The following RNF170 variants were observed in gnomAD, a reference collection of about 807,000 sequenced individuals.
RNF170 encodes the protein ring finger protein 170, also known as E3 ubiquitin-protein ligase RNF170.
In RNF170, 12 loss-of-function variants were observed where a neutral mutation model predicts 32.7. The observed-to-expected ratio is 0.37, with a 90% confidence interval of 0.24 to 0.60. The LOEUF is 0.60. RNF170 is among the 20% of genes least tolerant of loss of function. RNF170 has a pLI of 0.72. For synonymous variants in RNF170, 91 were observed against 103.6 expected, an observed-to-expected ratio of 0.88 and a Z score of 0.74; for missense variants, 212 against 311.2, an observed-to-expected ratio of 0.68 and a Z score of 2.40.
downstream of RNF170, chr8:42,849,734 G>A (rs1212064086): frequency 2.0e-5 from 3 of 152,182 alleles, no homozygotes; most frequent in African/African-American, 7.2e-5. Flanking sequence ...GGTCAGAATG[G>A]ATAACATTGT....
intron 1 of RNF170, among the ~76,000 whole-genome samples, chr8:42,888,136 G>C (rs533438390): frequency 8.5e-5 from 13 of 152,138 alleles, no homozygotes; most frequent in Middle Eastern, 3.4e-3. Context: ...GCGGATCTCA[G>C]CTCACTGCAA....
Position 42,854,120 on chromosome 8 carries a change from T to C in RNF170, c.*2039A>G. 1 of 1,287,266 alleles carries C rather than the reference T, an allele frequency of 7.8e-7. No individual in the cohort carries two copies. The highest frequency in any genetic ancestry group is 1.0e-6 in the Non-Finnish European group (1 of 988,712). The allele number at this position is 1,287,266 out of a possible 1,614,324, so 79.7% of individuals were successfully genotyped here. A position where few individuals can be genotyped will look rare whatever the true frequency, so the allele number is the denominator to read the frequency against. On this transcript the variant is annotated 3_prime_UTR_variant, in exon 7 of 7. Transcript: ENST00000527424. ...GCAGCTGAAATGTTTTTCTGTGATG[T>C]ATGCCACCCTTTTACCTATTTGATT...
Position 42,853,484 on chromosome 8 carries a change from T to C in RNF170, c.*2675A>G, listed in dbSNP as rs758098290. 3.1e-6 allele frequency: 4 copies of C among 1,287,062 alleles called. No homozygotes were observed. In the East Asian group the frequency reaches 2.2e-4, roughly 71 times the overall value. The allele number at this position is 1,287,062 out of a possible 1,614,324, so 79.7% of individuals were successfully genotyped here. On this transcript the variant is annotated 3_prime_UTR_variant, in exon 7 of 7. Coordinates refer to ENST00000527424, the MANE Select transcript of RNF170 (RefSeq NM_030954.4). ...TCTCAAACACTGAGAATTGTAGTAG[T>C]TGAAACCACTGTTCTAGTGGGCAGT...
chr8:42,877,840 C>T (rs1805075128), intron 2 of RNF170, among the ~76,000 whole-genome samples: 1 of 152,096 alleles, frequency 6.6e-6, no homozygotes. Flanking sequence ...GAAGAATATC[C>T]ACAGAAAGGG....
chr8:42,850,510 T>A (rs924136016), downstream of RNF170: 2 of 441,570 alleles, frequency 4.5e-6, no homozygotes, highest in African/African-American at 4.0e-5. Context: ...TCCCTTGCTT[T>A]ATTTATTAAT....
In RNF170 at chr8:42,856,062, A is replaced by C. The variant is rs1322749789; in HGVS notation, c.*97T>G. Reference sequence around the variant, plus strand: ...AGTGGTTTTATATTTGTGAGATAATACTCCATTGCTTCATTGCTTTATACT... The same window carrying C: ...AGTGGTTTTATATTTGTGAGATAATCCTCCATTGCTTCATTGCTTTATACT... On this transcript the variant is annotated 3_prime_UTR_variant, in exon 7 of 7. Coordinates refer to ENST00000527424, the MANE Select transcript of RNF170 (RefSeq NM_030954.4). 1.9e-6 allele frequency: 3 copies of C among 1,597,528 alleles called. No individual in the cohort carries two copies. In the East Asian group the frequency reaches 6.7e-5, roughly 36 times the overall value.
intron 2 of RNF170, among the ~76,000 whole-genome samples, chr8:42,883,407 A>G (rs989072588): frequency 3.3e-5 from 5 of 152,092 alleles, no homozygotes; most frequent in Non-Finnish European, 4.4e-5. Flanking sequence ...TACACACTTA[A>G]AAATGGTCTG....
chr8:42,884,703 C>A (rs79021186), intron 2 of RNF170, among the ~76,000 whole-genome samples: 2 of 142,770 alleles, frequency 1.4e-5, no homozygotes, highest in African/African-American at 5.1e-5. Context: ...TAAATGAATT[C>A]TTTTTTTTTT....
intron 5 of RNF170, among the ~76,000 whole-genome samples, chr8:42,862,363 T>G (rs553717501): frequency 6.6e-6 from 1 of 152,110 alleles, no homozygotes; most frequent in African/African-American, 2.4e-5. Flanking sequence ...CCTACTATAA[T>G]AAAAAAAAGA....
At chr8:42,882,045 C>T (rs1426607416) in intron 2 of RNF170, among the ~76,000 whole-genome samples, 1 of 152,092 alleles carries the variant, frequency 6.6e-6, no homozygotes, top group Non-Finnish European at 1.5e-5. Flanking sequence ...TGAGTTACTA[C>T]TTCATACCTA....
chr8:42,896,638 G>C (rs1806929521), upstream of RNF170: 1 of 452,664 alleles, frequency 2.2e-6, no homozygotes, highest in Admixed American at 2.4e-5. Context: ...CCGAGCTTCC[G>C]CGAGGGCGCG....
chr8:42,866,642 C>A (rs1415809368), intron 4 of RNF170, among the ~76,000 whole-genome samples: 1 of 151,808 alleles, frequency 6.6e-6, no homozygotes, highest in Non-Finnish European at 1.5e-5. Context: ...AGATTATATG[C>A]TCTGCCCTAA....
upstream of RNF170, chr8:42,897,009 C>A (rs1806990865): frequency 1.6e-6 from 1 of 636,212 alleles, no homozygotes; most frequent in Non-Finnish European, 2.3e-6. Flanking sequence ...CGAGAGTCGG[C>A]GGCCGGATCC....
At position 42,885,124 on chromosome 8, in the gene RNF170, T is replaced by C. The variant is rs150804460; in HGVS notation, c.137+2604A>G. Among the ~76,000 whole-genome samples, 119 of 152,090 alleles carry C rather than the reference T, an allele frequency of 7.8e-4. 1 individual carries two copies. The highest frequency in any genetic ancestry group is 2.6e-3 in the African/African-American group (106 of 41,492). ...ATTCAAATGTTTTATATTTTACAGT[T>C]AAGTGGGATCGTGCAGTATTTGTCT... On this transcript the variant is annotated intron_variant, in intron 2 of 6. Coordinates refer to ENST00000527424, the MANE Select transcript of RNF170 (RefSeq NM_030954.4).
chr8:42,858,359 C>G (rs750495896), intron 6 of RNF170, among the ~76,000 whole-genome samples: 14 of 152,160 alleles, frequency 9.2e-5, no homozygotes, highest in Non-Finnish European at 2.1e-4. Context: ...GAGCACATGT[C>G]TGTTTAACAC....
intron 5 of RNF170, among the ~76,000 whole-genome samples, chr8:42,863,832 A>G (rs1419269654): frequency 6.6e-6 from 1 of 152,206 alleles, no homozygotes; most frequent in Non-Finnish European, 1.5e-5. Context: ...ATGTGGCCAC[A>G]AGTAAAATAT....
At position 42,854,179 on chromosome 8, in the gene RNF170, A is replaced by G. The variant is rs1803067097; in HGVS notation, c.*1980T>C. On this transcript the variant is annotated 3_prime_UTR_variant, in exon 7 of 7. Coordinates refer to ENST00000527424, the MANE Select transcript of RNF170 (RefSeq NM_030954.4). ...TAGAATTCGGATTCATGTCATCTCC[A>G]CAGACCTTTCCTCTTAGGAGTGCCT... The G allele has an allele frequency of 7.8e-7, 1 of 1,287,032 alleles. No individual in the cohort carries two copies. Among genetic ancestry groups the G allele is most frequent in the South Asian group, 1.2e-5 (1 of 80,924 alleles). The allele number at this position is 1,287,032 out of a possible 1,614,324, so 79.7% of individuals were successfully genotyped here.
intron 4 of RNF170, 28 bp from the exon 5 acceptor site, chr8:42,865,517 A>C: frequency 2.6e-6 from 4 of 1,509,464 alleles, no homozygotes; most frequent in Non-Finnish European, 3.7e-6. Flanking sequence ...ACAAACACAT[A>C]ACCCATTAAT....
At chr8:42,873,811 G>A (rs879815281) in intron 3 of RNF170, 120 bp downstream of exon 3, 1 of 688,680 alleles carries the variant, frequency 1.5e-6, no homozygotes. Context: ...ATAATATAAG[G>A]TAATTTGAAG....
Sources: allele counts gnomAD v4.1 joint callset (sites outside exome capture counted in the v4.1 genomes callset), GRCh38; gene constraint gnomAD v4.1.1; transcripts MANE v1.5; gene names NCBI Gene and HGNC (gene_info 2026-07-23, HGNC 2026-07-21).